DCPH1: variants seen among roughly 807,000 people sequenced by gnomAD.
DCPH1 encodes the protein damage control phosphatase 1, also known as damage-control phosphatase 1.
At chr6:151,463,619 G>A in the DCPH1 span, among the ~76,000 whole-genome samples, 1 of 152,022 alleles carries the variant, frequency 6.6e-6, no homozygotes, top group Non-Finnish European at 1.5e-5. Flanking sequence ...TCATTTGGAT[G>A]TTTAAATACT....
At chr6:151,455,451 G>T in the DCPH1 span, among the ~76,000 whole-genome samples, 1 of 152,132 alleles carries the variant, frequency 6.6e-6, no homozygotes, top group Non-Finnish European at 1.5e-5. Flanking sequence ...GTGGGGAGAG[G>T]GTCAGCAGAC....
At chr6:151,458,559 G>A in the DCPH1 span, 1 of 1,609,240 alleles carries the variant, frequency 6.2e-7, no homozygotes, top group Non-Finnish European at 8.5e-7. Flanking sequence ...AATTCATGAA[G>A]CAATTATCCA....
the DCPH1 span, among the ~76,000 whole-genome samples, chr6:151,459,351 CATACTATTGT>C: frequency 2.0e-5 from 3 of 152,102 alleles, no homozygotes; most frequent in African/African-American, 7.2e-5. Flanking sequence ...AACAGTGAAT[CATACTATTGT>C]ATTATAGTCT....
At chr6:151,469,422 C>CA in the DCPH1 span, 1 of 228,000 alleles carries the variant, frequency 4.4e-6, no homozygotes, top group Non-Finnish European at 8.4e-6. Context: ...GGCTAGGGAG[C>CA]AAAAAATAAG....
the DCPH1 span, among the ~76,000 whole-genome samples, chr6:151,465,569 C>T: frequency 5.3e-5 from 8 of 152,056 alleles, no homozygotes; most frequent in South Asian, 2.1e-4. Flanking sequence ...GGACACAGAA[C>T]GGCTTGTATT....
the DCPH1 span, among the ~76,000 whole-genome samples, chr6:151,466,384 T>C: frequency 6.6e-6 from 1 of 152,166 alleles, no homozygotes; most frequent in African/African-American, 2.4e-5. Flanking sequence ...CTTTGTCCCA[T>C]AGTATAATAA....
At chr6:151,454,577 G>A in the DCPH1 span, 1 of 1,563,558 alleles carries the variant, frequency 6.4e-7, no homozygotes, top group Non-Finnish European at 8.8e-7. Context: ...ATTAAAGACA[G>A]AATACCACAG....
chr6:151,464,711 C>T, the DCPH1 span: 12 of 803,560 alleles, frequency 1.5e-5, no homozygotes, highest in Non-Finnish European at 2.1e-5. Context: ...TTTTTCTTTG[C>T]TATAATTGAT....
chr6:151,468,897 G>A, the DCPH1 span: 1 of 1,613,962 alleles, frequency 6.2e-7, no homozygotes. Context: ...TGAATTACAG[G>A]AAGTTGACAG....
chr6:151,466,386 G>A, the DCPH1 span, among the ~76,000 whole-genome samples: 4 of 151,816 alleles, frequency 2.6e-5, no homozygotes, highest in East Asian at 3.9e-4. Flanking sequence ...TTGTCCCATA[G>A]TATAATAAAC....
At chr6:151,468,725 A>G in the DCPH1 span, 1 of 1,614,162 alleles carries the variant, frequency 6.2e-7, no homozygotes, top group Non-Finnish European at 8.5e-7. Flanking sequence ...TGGATGTCCA[A>G]GTGTGGGGCT....
chr6:151,466,359 T>A, the DCPH1 span, among the ~76,000 whole-genome samples: 1 of 152,274 alleles, frequency 6.6e-6, no homozygotes, highest in African/African-American at 2.4e-5. Flanking sequence ...GGGAATCATC[T>A]TCTTTGAATG....
chr6:151,464,635 A>C, the DCPH1 span: 2 of 1,563,808 alleles, frequency 1.3e-6, no homozygotes, highest in Non-Finnish European at 1.7e-6. Context: ...GTGATCATTA[A>C]TCTTCTGAGT....
chr6:151,458,453 C>T, the DCPH1 span: 2 of 1,612,420 alleles, frequency 1.2e-6, no homozygotes, highest in South Asian at 1.1e-5. Context: ...GGAATCAGTA[C>T]CTAGAATATC....
At chr6:151,468,386 G>A in the DCPH1 span, 19 of 1,582,512 alleles carry the variant, frequency 1.2e-5, no homozygotes, top group Admixed American at 1.9e-5. Flanking sequence ...CTCTCAGGTG[G>A]AGAAAGTAGT....
the DCPH1 span, among the ~76,000 whole-genome samples, chr6:151,458,173 T>G: frequency 1.3e-5 from 2 of 152,226 alleles, no homozygotes; most frequent in Non-Finnish European, 2.9e-5. Context: ...TGTTTTTTGA[T>G]TTTCAGTTTA....
the DCPH1 span, among the ~76,000 whole-genome samples, chr6:151,462,033 TA>T: frequency 6.6e-6 from 1 of 152,214 alleles, no homozygotes; most frequent in Admixed American, 6.5e-5. Context: ...CCAGCTTTTA[TA>T]AAAGACATGT....
chr6:151,458,480 T>G, the DCPH1 span: 1 of 1,613,264 alleles, frequency 6.2e-7, no homozygotes, highest in Non-Finnish European at 8.5e-7. Flanking sequence ...GTCTTTTAAA[T>G]GAAAGTGATG....
chr6:151,468,349 C>T, the DCPH1 span: 1 of 1,536,854 alleles, frequency 6.5e-7, no homozygotes, highest in Non-Finnish European at 8.7e-7. Context: ...TCAGATTTCA[C>T]TGTGGGGAAA....
Sources: gnomAD v4.1 joint callset for allele counts (sites outside exome capture counted in the v4.1 genomes callset) on GRCh38, gnomAD v4.1.1 for gene constraint, MANE v1.5 for transcripts, NCBI Gene and HGNC (gene_info 2026-07-23, HGNC 2026-07-21) for gene names.